ANKHD1: variants seen among roughly 807,000 people sequenced by gnomAD.
ANKHD1 encodes ankyrin repeat and KH domain containing 1.
Under a neutral mutation model 230.5 loss-of-function variants are expected in ANKHD1, and 31 were observed. The observed-to-expected ratio is 0.13, with a 90% CI of 0.10 to 0.18. The LOEUF is 0.18. ANKHD1 is among the 10% of genes least tolerant of loss of function. The pLI is 1.00. For synonymous variants in ANKHD1, 1,074 were observed against 1,117.6 expected, an observed-to-expected ratio of 0.96 and a Z score of 0.78; for missense variants, 2,256 against 3,071.3, an observed-to-expected ratio of 0.73 and a Z score of 6.27.
intron 1 of ANKHD1, among the ~76,000 whole-genome samples, chr5:140,435,094 G>A (rs868862470): frequency 1.3e-5 from 2 of 152,054 alleles, no homozygotes; most frequent in Non-Finnish European, 2.9e-5. Flanking sequence ...CCAGGTATTC[G>A]TAGGCCCAAC....
At chr5:140,464,023 G>T (rs544145671) in intron 9 of ANKHD1, among the ~76,000 whole-genome samples, 57 of 152,060 alleles carry the variant, frequency 3.7e-4, no homozygotes, top group South Asian at 2.3e-3. Context: ...CTCACCTAAG[G>T]TTGGGAGTTC....
At chr5:140,427,053 T>C (rs543966212) in intron 1 of ANKHD1, among the ~76,000 whole-genome samples, 16 of 151,734 alleles carry the variant, frequency 1.1e-4, no homozygotes, top group African/African-American at 3.6e-4. Context: ...GACGGGGTGG[T>C]GGCCGGGCGG....
intron 10 of ANKHD1, among the ~76,000 whole-genome samples, chr5:140,467,038 T>G (rs1449730524): frequency 5.9e-5 from 9 of 152,202 alleles, no homozygotes; most frequent in African/African-American, 1.7e-4. Context: ...TTGCAATCTA[T>G]TTTTACATTC....
chr5:140,457,095 A>G (rs895806646), intron 7 of ANKHD1, among the ~76,000 whole-genome samples: 12 of 152,256 alleles, frequency 7.9e-5, no homozygotes, highest in African/African-American at 2.7e-4. Flanking sequence ...CAACAGACAC[A>G]TGAAAAAATG....
chr5:140,449,353 G>C (rs751927534), intron 7 of ANKHD1, 48 bp downstream of exon 7: 6 of 1,584,684 alleles, frequency 3.8e-6, no homozygotes, highest in Admixed American at 3.5e-5. Flanking sequence ...AGAAAAGGTC[G>C]TATGTGTTTA....
At chr5:140,416,898 A>G (rs918142474) in intron 1 of ANKHD1, among the ~76,000 whole-genome samples, 13 of 151,568 alleles carry the variant, frequency 8.6e-5, no homozygotes, top group African/African-American at 2.2e-4. Flanking sequence ...TTGAGATTCA[A>G]TAGGGATTGT....
At chr5:140,451,706 AC>A (rs1774748240) in intron 7 of ANKHD1, among the ~76,000 whole-genome samples, 1 of 151,924 alleles carries the variant, frequency 6.6e-6, no homozygotes, top group East Asian at 1.9e-4. Flanking sequence ...ACATGGTTTC[AC>A]CCTTTCCCCA....
chr5:140,488,954 G>C (rs574600412), intron 14 of ANKHD1, among the ~76,000 whole-genome samples: 1 of 151,942 alleles, frequency 6.6e-6, no homozygotes, highest in African/African-American at 2.4e-5. Context: ...ACTTTGGCAG[G>C]CCAGGTGGGC....
At chr5:140,509,178 C>A (rs1028989828) in intron 20 of ANKHD1, among the ~76,000 whole-genome samples, 1 of 152,162 alleles carries the variant, frequency 6.6e-6, no homozygotes. Flanking sequence ...TTGTGTGCCA[C>A]TCATCCATTA....
chr5:140,417,830 AGT>A (rs1771523837), intron 1 of ANKHD1, among the ~76,000 whole-genome samples: 1 of 127,920 alleles, frequency 7.8e-6, no homozygotes, highest in African/African-American at 2.9e-5. Context: ...TTTCCCATAT[AGT>A]CTTTTTTTTT....
Position 140,497,064 on chromosome 5 carries a change from A to G in ANKHD1, c.2790A>G (p.Leu930=), listed in dbSNP as rs1752068459. Residue 930 remains leucine, a synonymous_variant, in exon 15 of 34, where the codon TTA becomes TTG. Transcript: ENST00000360839. ...EQIDFVPVQP[L]SSPQCNFSSD... is the part of the protein sequence containing the mutation. Reference sequence around the variant, plus strand: ...TTGATTTTGTCCCAGTCCAGCCTTTATCATCTCCACAGTGTAACTTTTCCA... The same window carrying G: ...TTGATTTTGTCCCAGTCCAGCCTTTGTCATCTCCACAGTGTAACTTTTCCA... The G allele has an allele frequency of 1.9e-6, 3 of 1,614,050 alleles. No homozygotes were observed. The highest frequency in any genetic ancestry group is 2.5e-6 in the Non-Finnish European group (3 of 1,180,014).
At chr5:140,414,980 C>T (rs1771239518) in intron 1 of ANKHD1, among the ~76,000 whole-genome samples, 1 of 152,044 alleles carries the variant, frequency 6.6e-6, no homozygotes, top group Non-Finnish European at 1.5e-5. Context: ...CATTCTGTTG[C>T]TGTAGTGTCC....
chr5:140,528,515 G>T lies in ANKHD1; in HGVS notation c.5569G>T (p.Ala1857Ser). ...CTTAGCTTATCCTCACCCTCATTTT[G>T]CCCTGCTGGCTGCTCAAACTATGCA... ...LPLAYPHPHF[A>S]LLAAQTMQQI... Residue 1857 changes from alanine (A) to serine (S), a missense_variant, in exon 29 of 34, where the codon GCC becomes TCC. Coordinates refer to ENST00000360839, the MANE Select transcript of ANKHD1 (RefSeq NM_017747.3). 6.2e-7 allele frequency: 1 copy of T among 1,613,988 alleles called. No individual in the cohort carries two copies. The highest frequency in any genetic ancestry group is 8.5e-7 in the Non-Finnish European group (1 of 1,180,008).
intron 5 of ANKHD1, among the ~76,000 whole-genome samples, chr5:140,442,468 TAGTC>T (rs1239971123): frequency 1.3e-5 from 2 of 152,260 alleles, no homozygotes; most frequent in Admixed American, 6.5e-5. Flanking sequence ...TCACCTCAGA[TAGTC>T]AGTTGTCTCA....
chr5:140,487,213 C>T (rs1561790037), intron 14 of ANKHD1, among the ~76,000 whole-genome samples, 153 bp downstream of exon 14: 1 of 151,622 alleles, frequency 6.6e-6, no homozygotes, highest in East Asian at 1.9e-4. Context: ...TATCTAAAAC[C>T]AAAAAGACGT....
intron 9 of ANKHD1, among the ~76,000 whole-genome samples, chr5:140,460,575 T>C (rs1434742208): frequency 2.0e-5 from 3 of 152,072 alleles, no homozygotes; most frequent in African/African-American, 7.2e-5. Flanking sequence ...GGCTGGAGTG[T>C]AGTGGTGTGA....
intron 14 of ANKHD1, among the ~76,000 whole-genome samples, chr5:140,490,807 A>AATTCTAGAG (rs1395764892): frequency 1.3e-5 from 2 of 151,816 alleles, no homozygotes; most frequent in African/African-American, 4.8e-5. Context: ...TTTTCTCTGA[A>AATTCTAGAG]ATTCTAGAGT....
At chr5:140,460,414 A>G (rs936467287) in intron 9 of ANKHD1, among the ~76,000 whole-genome samples, 2 of 152,122 alleles carry the variant, frequency 1.3e-5, no homozygotes, top group African/African-American at 4.8e-5. Context: ...TATTTAGCAA[A>G]ATTTTATTCA....
intron 1 of ANKHD1, among the ~76,000 whole-genome samples, chr5:140,403,848 A>G (rs1770195108): frequency 6.6e-6 from 1 of 152,138 alleles, no homozygotes; most frequent in African/African-American, 2.4e-5. Context: ...TGTACTAACA[A>G]TCCCGGCTCT....
Sources: allele counts gnomAD v4.1 joint callset (sites outside exome capture counted in the v4.1 genomes callset), GRCh38; gene constraint gnomAD v4.1.1; transcripts MANE v1.5; gene names NCBI Gene and HGNC (gene_info 2026-07-23, HGNC 2026-07-21).